The following PAPOLA variants were observed in gnomAD, a reference collection of about 807,000 sequenced individuals.
The protein encoded by PAPOLA is polynucleotide adenylyltransferase alpha.
A neutral mutation model predicts 100.6 loss-of-function variants in PAPOLA; 15 were observed. That is an observed-to-expected ratio of 0.15 (90% CI 0.10 to 0.23). The LOEUF (loss-of-function observed/expected upper bound fraction) is 0.23, where lower values mean the gene tolerates loss of function less well. Ranked by LOEUF, PAPOLA falls within the 10% of genes least tolerant of loss-of-function variation. The probability of loss-of-function intolerance (pLI) is 1.00; values close to 1 mark genes in which losing one functional copy is unlikely to be tolerated. For synonymous variants in PAPOLA, 293 were observed against 300.0 expected (o/e 0.98, Z 0.24); for missense variants, 533 against 884.2 (o/e 0.60, Z 5.04).
rs529220529 is a variant in PAPOLA, at chr14:96,565,965, A to G, written c.*915A>G. ...TTTCTTAAGCCATGATGTGAAACCA[A>G]TGACCCTGTGACCACATGGCACAGA... On this transcript the variant is annotated 3_prime_UTR_variant, in exon 22 of 22. Transcript: ENST00000216277. 7.8e-5 allele frequency: 31 copies of G among 398,144 alleles called. No homozygotes were observed. The highest frequency in any genetic ancestry group is 1.3e-4 in the South Asian group (1 of 7,860). The allele number at this position is 398,144 out of a possible 1,614,324, so 24.7% of individuals were successfully genotyped here.
intron 4 of PAPOLA, chr14:96,526,134 TACAC>T (rs1898454202): frequency 6.6e-6 from 1 of 152,222 alleles, no homozygotes; most frequent in Non-Finnish European, 1.5e-5. Context: ...TGCAAATAAA[TACAC>T]AATAAAAATG....
At position 96,521,010 on chromosome 14, in the gene PAPOLA, T is replaced by C; in HGVS notation, c.187T>C (p.Leu63=). ...EEEEELQRRI[L]ILGKLNNLVK... ...TGATAATTGTTTTATCAACAGGATT[T>C]TAATTTTGGGAAAACTAAATAACCT... The change falls in exon 3 of 22, where the codon TTA becomes CTA. Residue 63 remains leucine, a synonymous_variant. Coordinates refer to ENST00000216277, the MANE Select transcript of PAPOLA (RefSeq NM_032632.5). 1 of 1,459,524 alleles carries C rather than the reference T, an allele frequency of 6.9e-7. No individual in the cohort carries two copies. The highest frequency in any genetic ancestry group is 1.1e-5 in the South Asian group (1 of 87,802). 90.4% of individuals were successfully genotyped at this position (1,459,524 alleles called of 1,614,324 possible).
chr14:96,534,376 T>C (rs1399786615), intron 9 of PAPOLA, 115 bp from the exon 10 acceptor site: 7 of 1,516,838 alleles, frequency 4.6e-6, no homozygotes, highest in South Asian at 2.7e-5. Flanking sequence ...ACGTTGTATG[T>C]ACCAAGAAGG....
At chr14:96,528,691 T>TATAG (rs1294970364) in intron 6 of PAPOLA, among the ~76,000 whole-genome samples, 1 of 152,230 alleles carries the variant, frequency 6.6e-6, no homozygotes, top group Non-Finnish European at 1.5e-5. Context: ...AGCTTAAATC[T>TATAG]AGCCTGGCAA....
At chr14:96,559,573 CTCTCTCTCTA>C (rs1566868147) in intron 19 of PAPOLA, among the ~76,000 whole-genome samples, 4 of 116,636 alleles carry the variant, frequency 3.4e-5, no homozygotes, top group African/African-American at 1.2e-4. Context: ...CTCTCTCTCT[CTCTCTCTCTA>C]TATATATATA....
At chr14:96,547,205 A>G (rs571353892) in intron 15 of PAPOLA, among the ~76,000 whole-genome samples, 3 of 152,234 alleles carry the variant, frequency 2.0e-5, no homozygotes, top group Non-Finnish European at 4.4e-5. Flanking sequence ...TGTTTCATAA[A>G]TATGTTTTGT....
chr14:96,542,906 C>G lies in PAPOLA; in HGVS notation c.1289+13C>G. 1 of 1,607,722 alleles carries G rather than the reference C, an allele frequency of 6.2e-7. No homozygotes were observed. On this transcript the variant is annotated intron_variant, in intron 14 of 21. Transcript: ENST00000216277. ...AAAATCCCGACAAGTAAGCCCTTTTCTAATTTAATTTCTTCTTCCCATTTC... is the reference window on the plus strand; with the variant it reads ...AAAATCCCGACAAGTAAGCCCTTTTGTAATTTAATTTCTTCTTCCCATTTC...
intron 6 of PAPOLA, among the ~76,000 whole-genome samples, chr14:96,529,898 A>G (rs750638816): frequency 1.3e-4 from 20 of 152,100 alleles, no homozygotes; most frequent in East Asian, 1.9e-4. Context: ...GCGGAATTCT[A>G]TGTCTTCAAA....
intron 16 of PAPOLA, among the ~76,000 whole-genome samples, chr14:96,550,054 G>C (rs1266320503): frequency 6.6e-6 from 1 of 152,148 alleles, no homozygotes; most frequent in African/African-American, 2.4e-5. Flanking sequence ...AGGCTGAGGT[G>C]GGAAGATCAT....
chr14:96,545,430 C>T (rs1439512882), intron 15 of PAPOLA, among the ~76,000 whole-genome samples: 1 of 152,022 alleles, frequency 6.6e-6, no homozygotes, highest in Non-Finnish European at 1.5e-5. Flanking sequence ...CAGCTATCAC[C>T]AGCAGCGTTA....
intron 9 of PAPOLA, chr14:96,534,031 T>C (rs1422295918): frequency 6.1e-6 from 6 of 987,236 alleles, no homozygotes; most frequent in Non-Finnish European, 7.2e-6. Flanking sequence ...ACTACTACAC[T>C]TGTCTTACCA....
At chr14:96,530,542 C>T (rs1898912109) in intron 6 of PAPOLA, among the ~76,000 whole-genome samples, 1 of 151,938 alleles carries the variant, frequency 6.6e-6, no homozygotes, top group Non-Finnish European at 1.5e-5. Context: ...CGCTTGTCAC[C>T]ATGCCTGGCT....
At chr14:96,529,113 TA>T (rs1034174025) in intron 6 of PAPOLA, among the ~76,000 whole-genome samples, 16 of 152,178 alleles carry the variant, frequency 1.1e-4, no homozygotes, top group African/African-American at 3.9e-4. Flanking sequence ...CATGCTATAT[TA>T]AAAAATAATA....
intron 20 of PAPOLA, 82 bp from the exon 21 acceptor site, chr14:96,562,737 T>G (rs1300496310): frequency 6.3e-6 from 5 of 789,958 alleles, no homozygotes; most frequent in Non-Finnish European, 1.1e-5. Context: ...TTTGTCTTCT[T>G]TATTAGCCAC....
At chr14:96,512,813 G>C (rs953561306) in intron 1 of PAPOLA, among the ~76,000 whole-genome samples, 1 of 152,186 alleles carries the variant, frequency 6.6e-6, no homozygotes, top group East Asian at 1.9e-4. Context: ...GAACAACCTT[G>C]ATTACCTTTC....
intron 17 of PAPOLA, among the ~76,000 whole-genome samples, chr14:96,555,635 T>C (rs1654583727): frequency 6.6e-6 from 1 of 152,182 alleles, no homozygotes; most frequent in South Asian, 2.1e-4. Flanking sequence ...GAAGTAACAT[T>C]AGACAGTGCT....
At chr14:96,523,960 A>T (rs1201704186) in intron 3 of PAPOLA, among the ~76,000 whole-genome samples, 1 of 152,000 alleles carries the variant, frequency 6.6e-6, no homozygotes, top group Non-Finnish European at 1.5e-5. Flanking sequence ...AAAAAAAAAA[A>T]AATTACACAC....
At chr14:96,545,402 G>A (rs1234440852) in intron 15 of PAPOLA, among the ~76,000 whole-genome samples, 17 of 152,044 alleles carry the variant, frequency 1.1e-4, no homozygotes, top group Admixed American at 1.1e-3. Context: ...ACTGATACAA[G>A]TGTTGTCTGT....
chr14:96,556,101 G>A, intron 18 of PAPOLA, 74 bp from the exon 19 acceptor site: 1 of 1,328,348 alleles, frequency 7.5e-7, no homozygotes. Context: ...ATCAAATTCA[G>A]AGAAACAAAA....
Sources: gnomAD v4.1 joint callset for allele counts (sites outside exome capture counted in the v4.1 genomes callset) on GRCh38, gnomAD v4.1.1 for gene constraint, MANE v1.5 for transcripts, NCBI Gene and HGNC (gene_info 2026-07-23, HGNC 2026-07-21) for gene names.